Variants in HBP1 observed in about 807,000 individuals in gnomAD.
The protein encoded by HBP1 is HMG-box transcription factor 1, also known as HMG box-containing protein 1.
HBP1 carries 20 observed loss-of-function variants against 62.6 expected under a neutral mutation model. The observed-to-expected ratio is 0.32, with a 90% confidence interval of 0.22 to 0.46. HBP1 has a LOEUF of 0.46. HBP1 is among the 20% of genes least tolerant of loss of function. The probability of loss-of-function intolerance (pLI) is 1.00; values close to 1 mark genes in which losing one functional copy is unlikely to be tolerated. For missense variants in HBP1, 480 were observed against 611.8 expected, an observed-to-expected ratio of 0.78 and a Z score of 2.27; for synonymous variants, 232 against 206.2, an observed-to-expected ratio of 1.12 and a Z score of -1.07.
In HBP1 at chr7:107,189,356, T is replaced by C. The variant is rs747855447; in HGVS notation, c.830T>C (p.Val277Ala). Residue 277 changes from valine (V) to alanine (A), a missense_variant, in exon 7 of 11, where the codon GTA becomes GCA. Transcript: ENST00000222574. ...GAAAGTGTATCATTTGGCGAGTCTG[T>C]ACTGAAGTTGACTTTTGATCCTGGT... ...HEESVSFGES[V>A]LKLTFDPGTV... 1.2e-6 allele frequency: 2 copies of C among 1,612,730 alleles called. No homozygotes were observed. Among genetic ancestry groups the C allele is most frequent in the South Asian group, 2.2e-5 (2 of 91,050 alleles).
intron 8 of HBP1, 81 bp from the exon 9 acceptor site, chr7:107,195,750 CTTT>C (rs75208949): frequency 7.6e-4 from 403 of 529,914 alleles, no homozygotes; most frequent in South Asian, 1.2e-3. Context: ...CAGATGTTTT[CTTT>C]TTTTTTTTTT....
chr7:107,191,331 A>G lies in HBP1; in HGVS notation c.1067+1014A>G, dbSNP rs1389558207. On this transcript the variant is annotated intron_variant, in intron 8 of 10. Transcript: ENST00000222574. ...CATATACACTCTTTTTTGAAAAACT[A>G]GAAAAATGAGTCAAAATTTTAAGGA... Among the ~76,000 whole-genome samples the G allele has an allele frequency of 2.6e-5, 4 of 152,318 alleles. No homozygotes were observed. In the East Asian group the frequency reaches 7.7e-4, roughly 29 times the overall value.
In HBP1 at chr7:107,200,291, G is replaced by T; in HGVS notation, c.1517G>T (p.Arg506Ile). 1.2e-6 allele frequency: 2 copies of T among 1,612,416 alleles called. No homozygotes were observed. The highest frequency in any genetic ancestry group is 1.7e-6 in the Non-Finnish European group (2 of 1,179,202). ...RLNPDCWKRK[R>I]TNSGSQQH Reference sequence around the variant, plus strand: ...AATCCTGACTGTTGGAAGAGGAAAAGAACCAATTCAGTATGTTTCAATAAA... The same window carrying T: ...AATCCTGACTGTTGGAAGAGGAAAATAACCAATTCAGTATGTTTCAATAAA... Residue 506 changes from arginine to isoleucine, a missense_variant, in exon 10 of 11, where the codon AGA (arginine) becomes ATA (isoleucine). By Grantham distance (97) the Arg-to-Ile change is moderately conservative. Transcript: ENST00000222574.
At chr7:107,174,347 A>G in intron 1 of HBP1, 4 of 492,116 alleles carry the variant, frequency 8.1e-6, no homozygotes, top group Non-Finnish European at 1.1e-5. Flanking sequence ...GTGTGAACAC[A>G]TAGAACTTAT....
At chr7:107,176,112 G>T (rs1031367491) in intron 1 of HBP1, among the ~76,000 whole-genome samples, 6 of 149,954 alleles carry the variant, frequency 4.0e-5, no homozygotes, top group Admixed American at 6.7e-5. Context: ...TGCAACCTCT[G>T]TCTCCCGGGT....
intron 1 of HBP1, among the ~76,000 whole-genome samples, chr7:107,176,014 C>CT (rs1365374553): frequency 3.5e-4 from 50 of 144,206 alleles, no homozygotes; most frequent in African/African-American, 1.1e-3. Flanking sequence ...CCGCACCCGG[C>CT]TTTTTTTCTT....
intron 2 of HBP1, among the ~76,000 whole-genome samples, chr7:107,181,471 C>G (rs898347372): frequency 1.3e-5 from 2 of 148,956 alleles, no homozygotes; most frequent in Non-Finnish European, 3.0e-5. Flanking sequence ...GACCCTATCT[C>G]AAAAAAAAAT....
At chr7:107,197,857 A>ATT (rs1562901511) in intron 9 of HBP1, among the ~76,000 whole-genome samples, 2 of 152,218 alleles carry the variant, frequency 1.3e-5, no homozygotes, top group African/African-American at 4.8e-5. Flanking sequence ...CTTTAAAGAC[A>ATT]TTTTAAGAGT....
rs1166336329 is a variant in HBP1 at position 107,179,948 on chromosome 7, T to C, written c.55T>C (p.Leu19=). 5.6e-6 allele frequency: 9 copies of C among 1,611,120 alleles called. No homozygotes were observed. In the Admixed American group the frequency reaches 8.3e-5, roughly 15 times the overall value. The part of the protein sequence containing the change: ...QMPNAVQKLL[L]VMDKRASGMN... ...GCCTAATGCAGTACAGAAACTCCTG[T>C]TGGTGATGGACAAGAGAGCCTCAGG... The change falls in exon 2 of 11, where the codon TTG becomes CTG. Residue 19 remains leucine (L), a synonymous_variant. Transcript: ENST00000222574.
rs575270872 is a variant in HBP1 at position 107,201,440 on chromosome 7, G to A, written c.*9G>A. 4 of 1,564,246 alleles carry A rather than the reference G, an allele frequency of 2.6e-6. No homozygotes were observed. Among genetic ancestry groups the A allele is most frequent in the Non-Finnish European group, 3.5e-6 (4 of 1,136,476 alleles). Reference sequence around the variant, plus strand: ...GCTCACAACAACATTAAACCAGGATGCTTATGTTCTTAAGTCTATATTTGC... The same window carrying A: ...GCTCACAACAACATTAAACCAGGATACTTATGTTCTTAAGTCTATATTTGC... On this transcript the variant is annotated 3_prime_UTR_variant, in exon 11 of 11. Transcript: ENST00000222574.
chr7:107,181,858 T>C (rs2115856513), intron 2 of HBP1, among the ~76,000 whole-genome samples: 1 of 152,094 alleles, frequency 6.6e-6, no homozygotes, highest in South Asian at 2.1e-4. Flanking sequence ...TATGGGGAGC[T>C]GAAAGGGTAT....
At chr7:107,174,506 C>G (rs1796744291) in intron 1 of HBP1, 1 of 984,992 alleles carries the variant, frequency 1.0e-6, no homozygotes, top group South Asian at 4.7e-5. Flanking sequence ...ATAGAAGTTG[C>G]AAAGAGACGT....
At position 107,189,480 on chromosome 7, in the gene HBP1, T is replaced by C. The variant is rs763235917; in HGVS notation, c.922+32T>C. On this transcript the variant is annotated intron_variant, in intron 7 of 10. Coordinates refer to ENST00000222574, the MANE Select transcript of HBP1 (RefSeq NM_012257.4). ...CTTGAATTGCATTTGTAGTAACTTT[T>C]TTTAAACAAAGCTTCTTAAATCTGT... The C allele has an allele frequency of 3.7e-5, 56 of 1,529,114 alleles. No homozygotes were observed. The African/African-American group carries it at 7.6e-4, about 21-fold the overall frequency. 94.7% of individuals were successfully genotyped at this position (1,529,114 alleles called of 1,614,324 possible). A position where few individuals can be genotyped will look rare whatever the true frequency, so the allele number is the denominator to read the frequency against.
chr7:107,187,251 C>CAA (rs1415862729), intron 6 of HBP1, among the ~76,000 whole-genome samples: 15 of 146,544 alleles, frequency 1.0e-4, no homozygotes, highest in South Asian at 2.2e-4. Flanking sequence ...GACTCTGTCT[C>CAA]AAAAAATATA....
intron 2 of HBP1, among the ~76,000 whole-genome samples, chr7:107,181,567 G>A (rs1302759350): frequency 6.6e-6 from 1 of 151,536 alleles, no homozygotes; most frequent in Non-Finnish European, 1.5e-5. Flanking sequence ...TACTTTTATA[G>A]TGACATTTAG....
intron 6 of HBP1, among the ~76,000 whole-genome samples, chr7:107,187,089 A>C (rs2115905900): frequency 6.6e-6 from 1 of 152,104 alleles, no homozygotes; most frequent in South Asian, 2.1e-4. Context: ...CACCTCTACT[A>C]AAAATACAAA....
chr7:107,183,160 T>C (rs994855863), intron 3 of HBP1, among the ~76,000 whole-genome samples: 9 of 152,204 alleles, frequency 5.9e-5, no homozygotes, highest in African/African-American at 2.2e-4. Context: ...TTACGGAAGC[T>C]TCCAGCTAAT....
intron 3 of HBP1, 46 bp downstream of exon 3, chr7:107,182,647 C>T (rs1797165746): frequency 9.6e-7 from 1 of 1,039,786 alleles, no homozygotes; most frequent in African/African-American, 1.6e-5. Flanking sequence ...TATCATTACA[C>T]AAAGGTTTTA....
At chr7:107,169,607 C>T (rs931993691) in intron 1 of HBP1, 47 of 308,266 alleles carry the variant, frequency 1.5e-4, no homozygotes, top group Non-Finnish European at 2.0e-4. Context: ...GGGTGGGGGG[C>T]TGGCCGGAGG....
Sources: allele counts gnomAD v4.1 joint callset (sites outside exome capture counted in the v4.1 genomes callset), GRCh38; gene constraint gnomAD v4.1.1; transcripts MANE v1.5; gene names NCBI Gene and HGNC (gene_info 2026-07-23, HGNC 2026-07-21).